EVI5: variants seen among roughly 807,000 people sequenced by gnomAD.
EVI5 encodes the protein ecotropic viral integration site 5 protein homolog.
A neutral mutation model predicts 112.0 loss-of-function variants in EVI5; 73 were observed. The observed-to-expected ratio is 0.65, with a 90% CI of 0.54 to 0.79. The LOEUF is 0.79. Ranked by LOEUF, EVI5 falls within the 30% of genes least tolerant of loss-of-function variation. The probability of loss-of-function intolerance (pLI) is 0.00; values close to 1 mark genes in which losing one functional copy is unlikely to be tolerated. For missense variants in EVI5, 900 were observed against 968.8 expected, an observed-to-expected ratio of 0.93 and a Z score of 0.94; for synonymous variants, 305 against 319.9, an observed-to-expected ratio of 0.95 and a Z score of 0.50.
chr1:92,595,705 G>A (rs1040388286), intron 18 of EVI5, among the ~76,000 whole-genome samples: 11 of 152,104 alleles, frequency 7.2e-5, no homozygotes, highest in African/African-American at 2.7e-4. Flanking sequence ...TATATATGTC[G>A]GGGTAACTGG....
intron 13 of EVI5, among the ~76,000 whole-genome samples, chr1:92,645,523 T>C (rs1040461688): frequency 6.6e-6 from 1 of 152,200 alleles, no homozygotes; most frequent in African/African-American, 2.4e-5. Flanking sequence ...CTTTGGCCTC[T>C]GTAATTTCTA....
At chr1:92,628,680 G>A (rs1018467892) in intron 14 of EVI5, among the ~76,000 whole-genome samples, 4 of 152,160 alleles carry the variant, frequency 2.6e-5, no homozygotes, top group South Asian at 2.1e-4. Context: ...AAATGAGGCC[G>A]TAGGGAAAGC....
intron 19 of EVI5, among the ~76,000 whole-genome samples, chr1:92,539,222 T>C (rs1162928013): frequency 6.6e-6 from 1 of 151,924 alleles, no homozygotes; most frequent in Non-Finnish European, 1.5e-5. Flanking sequence ...TTTTTTTAGG[T>C]GTCAAATCAC....
intron 2 of EVI5, among the ~76,000 whole-genome samples, chr1:92,707,986 G>T (rs1235566517): frequency 6.6e-6 from 1 of 152,070 alleles, no homozygotes; most frequent in Non-Finnish European, 1.5e-5. Context: ...AACGAAAGAA[G>T]CCAGGTGCAA....
chr1:92,517,528 T>C (rs1255447873), intron 19 of EVI5, among the ~76,000 whole-genome samples: 1 of 152,176 alleles, frequency 6.6e-6, no homozygotes, highest in Non-Finnish European at 1.5e-5. Context: ...GAACTCTTAA[T>C]TATTTAGGAC....
rs117109275 is a variant in EVI5 at position 92,682,039 on chromosome 1, T to C, written c.1098-4821A>G. Among the ~76,000 whole-genome samples the C allele has an allele frequency of 4.0e-4, 61 of 152,278 alleles. No individual in the cohort carries two copies. In the East Asian group the frequency reaches 7.7e-3, roughly 19 times the overall value. ...GTTGCCCAGGCTGGTCTCAAACTCC[T>C]AGGCTCAATGGATCCTCCCACCTCA... On this transcript the variant is annotated intron_variant, in intron 9 of 19. Transcript: ENST00000684568.
intron 1 of EVI5, among the ~76,000 whole-genome samples, chr1:92,747,836 T>C (rs942824476): frequency 1.3e-5 from 2 of 151,216 alleles, no homozygotes; most frequent in South Asian, 4.2e-4. Flanking sequence ...GTAGGGAGAA[T>C]CTTCCCTTGC....
In EVI5 at chr1:92,694,408, A is replaced by C. The variant is rs760016962; in HGVS notation, c.910-20T>G. The C allele has an allele frequency of 7.1e-7, 1 of 1,414,466 alleles. No homozygotes were observed. 87.6% of individuals were successfully genotyped at this position (1,414,466 alleles called of 1,614,324 possible). On this transcript the variant is annotated intron_variant, in intron 7 of 19. Coordinates refer to ENST00000684568, the MANE Select transcript of EVI5 (RefSeq NM_001350197.2). ...TAAACCCTGAGGAAACAAATTAAAT[A>C]AATCCAAATTTATGTTACTCTTCCA...
At chr1:92,756,118 C>G in intron 1 of EVI5, 2 of 315,766 alleles carry the variant, frequency 6.3e-6, no homozygotes, top group East Asian at 7.2e-5. Context: ...TGTGCCTAAG[C>G]TGGAACAGCT....
chr1:92,699,459 C>T (rs544901573), intron 5 of EVI5, among the ~76,000 whole-genome samples: 2 of 152,254 alleles, frequency 1.3e-5, no homozygotes, highest in African/African-American at 4.8e-5. Flanking sequence ...TGTATCTCCC[C>T]TAAGAATATT....
At chr1:92,521,991 A>G (rs1661011002) in intron 19 of EVI5, among the ~76,000 whole-genome samples, 2 of 152,238 alleles carry the variant, frequency 1.3e-5, no homozygotes, top group African/African-American at 4.8e-5. Context: ...AACCTTATTG[A>G]CTTTTCAAAA....
rs1571239457 is a variant in EVI5 at position 92,512,459 on chromosome 1, T to C, written c.*1197A>G. The C allele has an allele frequency of 6.6e-6, 1 of 152,198 alleles. No homozygotes were observed. The highest frequency in any genetic ancestry group is 1.5e-5 in the Non-Finnish European group (1 of 68,026). The allele number at this position is 152,198 out of a possible 1,614,324, so 9.4% of individuals were successfully genotyped here. A position where few individuals can be genotyped will look rare whatever the true frequency, so the allele number is the denominator to read the frequency against. ...TGCTAGTATTGAATGCTAAGCAAAA[T>C]ACTAAAGCTCTTAAAACATTAGTGT... On this transcript the variant is annotated 3_prime_UTR_variant, in exon 20 of 20. Coordinates refer to ENST00000684568, the MANE Select transcript of EVI5 (RefSeq NM_001350197.2).
intron 13 of EVI5, among the ~76,000 whole-genome samples, chr1:92,637,177 A>C (rs573606526): frequency 2.0e-5 from 3 of 152,170 alleles, no homozygotes; most frequent in South Asian, 2.1e-4. Flanking sequence ...CAGGAGTTCA[A>C]GATCAGCCTG....
chr1:92,640,920 T>C (rs1466667502), intron 13 of EVI5, among the ~76,000 whole-genome samples: 1 of 152,182 alleles, frequency 6.6e-6, no homozygotes, highest in East Asian at 1.9e-4. Context: ...TGAGATCATG[T>C]CTTTTGCAGG....
chr1:92,783,936 C>T (rs530243885), intron 1 of EVI5, among the ~76,000 whole-genome samples: 2 of 152,034 alleles, frequency 1.3e-5, no homozygotes, highest in South Asian at 4.1e-4. Flanking sequence ...AGATTAAAAA[C>T]TACCAGCAGA....
intron 13 of EVI5, among the ~76,000 whole-genome samples, chr1:92,652,934 T>G (rs1572124401): frequency 6.6e-6 from 1 of 151,902 alleles, no homozygotes; most frequent in Admixed American, 6.6e-5. Flanking sequence ...GTCAAAAGGG[T>G]AGTTGGGAGT....
intron 19 of EVI5, among the ~76,000 whole-genome samples, chr1:92,561,127 C>T (rs1432963319): frequency 6.6e-6 from 1 of 152,106 alleles, no homozygotes; most frequent in Non-Finnish European, 1.5e-5. Context: ...AGCCTTAGAG[C>T]CAAATCTGAG....
rs529640943 is a variant in EVI5, at chr1:92,566,526, A to G, written c.2071-2789T>C. Among the ~76,000 whole-genome samples, 8 of 152,366 alleles carry G rather than the reference A, an allele frequency of 5.3e-5. 1 individual carries two copies. In the South Asian group the frequency reaches 8.3e-4, roughly 16 times the overall value. Reference sequence around the variant, plus strand: ...TGCACAGTGGATAATAATTGACAATAATAAATGACTATGTTACAGATTTAT... The same window carrying G: ...TGCACAGTGGATAATAATTGACAATGATAAATGACTATGTTACAGATTTAT... On this transcript the variant is annotated intron_variant, in intron 18 of 19. Coordinates refer to ENST00000684568, the MANE Select transcript of EVI5 (RefSeq NM_001350197.2).
At chr1:92,535,734 G>C (rs1663767598) in intron 19 of EVI5, among the ~76,000 whole-genome samples, 1 of 151,928 alleles carries the variant, frequency 6.6e-6, no homozygotes, top group African/African-American at 2.4e-5. Flanking sequence ...ACAGGGAGAG[G>C]AACATCACAC....
Sources: gnomAD v4.1 joint callset for allele counts (sites outside exome capture counted in the v4.1 genomes callset) on GRCh38, gnomAD v4.1.1 for gene constraint, MANE v1.5 for transcripts, NCBI Gene and HGNC (gene_info 2026-07-23, HGNC 2026-07-21) for gene names.